The following HUNK variants were observed in gnomAD, a reference collection of about 807,000 sequenced individuals.
The protein encoded by HUNK is hormonally up-regulated Neu-associated kinase.
HUNK carries 21 observed loss-of-function variants against 61.0 expected under a neutral mutation model. The ratio of observed to expected loss-of-function variants is 0.34; its 90% CI spans 0.24 to 0.50. The LOEUF is 0.50. Ranked by LOEUF, HUNK falls within the 20% of genes least tolerant of loss-of-function variation. The pLI is 0.98. For synonymous variants in HUNK, 371 were observed against 386.1 expected (o/e 0.96, Z 0.46); for missense variants, 772 against 945.7 (o/e 0.82, Z 2.41).
At chr21:31,974,898 A>G (rs1362339060) in intron 7 of HUNK, among the ~76,000 whole-genome samples, 181 bp downstream of exon 7, 2 of 151,930 alleles carry the variant, frequency 1.3e-5, no homozygotes, top group Non-Finnish European at 2.9e-5. Flanking sequence ...AGTGCCTTTT[A>G]TCTGCAATGT....
In HUNK at chr21:32,000,718, G is replaced by C. The variant is rs2053240268; in HGVS notation, c.*1534G>C. ...AAAGCCAGCCTTTATTTCCCTGGCA[G>C]GCAGCCTTGCCAGAAGGCAGAGAGG... On this transcript the variant is annotated 3_prime_UTR_variant, in exon 11 of 11. Transcript: ENST00000270112. 2 of 398,578 alleles carry C rather than the reference G, an allele frequency of 5.0e-6. No homozygotes were observed. Among genetic ancestry groups the C allele is most frequent in the African/African-American group, 2.1e-5 (1 of 48,634 alleles). The allele number at this position is 398,578 out of a possible 1,614,324, so 24.7% of individuals were successfully genotyped here.
At chr21:31,985,229 G>A (rs1038694040) in intron 8 of HUNK, among the ~76,000 whole-genome samples, 1 of 152,180 alleles carries the variant, frequency 6.6e-6, no homozygotes, top group East Asian at 1.9e-4. Flanking sequence ...GGGACCCTTT[G>A]TCTATGCCCC....
In HUNK at chr21:31,998,868, C is replaced by A. The variant is rs1236191529; in HGVS notation, c.1829C>A (p.Pro610His). Residue 610 changes from proline to histidine, a missense_variant, in exon 11 of 11, where the codon CCT (proline) becomes CAT (histidine). Coordinates refer to ENST00000270112, the MANE Select transcript of HUNK (RefSeq NM_014586.2). ...SPGLPSGSMSPLHTPLHPTLV... is the reference protein window; with the variant it reads ...SPGLPSGSMSHLHTPLHPTLV... ...GGTCTGCCATCCGGAAGCATGTCGC[C>A]TCTCCATACTCCTTTGCATCCAACT... 1 of 1,614,206 alleles carries A rather than the reference C, an allele frequency of 6.2e-7. No homozygotes were observed. Among genetic ancestry groups the A allele is most frequent in the Non-Finnish European group, 8.5e-7 (1 of 1,180,040 alleles).
chr21:31,888,324 G>T (rs549992543), intron 1 of HUNK, among the ~76,000 whole-genome samples: 1 of 152,340 alleles, frequency 6.6e-6, no homozygotes, highest in African/African-American at 2.4e-5. Context: ...GGATGCTTTT[G>T]TTGGTAATAA....
At position 31,998,620 on chromosome 21, in the gene HUNK, G is replaced by C. The variant is rs1392079132; in HGVS notation, c.1581G>C (p.Arg527Ser). The C allele has an allele frequency of 6.2e-7, 1 of 1,614,068 alleles. No homozygotes were observed. The highest frequency in any genetic ancestry group is 8.5e-7 in the Non-Finnish European group (1 of 1,180,000). The change falls in exon 11 of 11, where the codon AGG (arginine) becomes AGC (serine). Residue 527 changes from arginine to serine, a missense_variant. Coordinates refer to ENST00000270112, the MANE Select transcript of HUNK (RefSeq NM_014586.2). ...AGTTCATCCCCGTGCCACCGCCCAGGACCCCGAGGATTGTGAAGAAACCGG... is the reference window on the plus strand; with the variant it reads ...AGTTCATCCCCGTGCCACCGCCCAGCACCCCGAGGATTGTGAAGAAACCGG... ...SMEFIPVPPPRTPRIVKKPEP... is the reference protein window; with the variant it reads ...SMEFIPVPPPSTPRIVKKPEP...
intron 3 of HUNK, among the ~76,000 whole-genome samples, chr21:31,945,376 ATGAG>A (rs1384331565): frequency 6.6e-6 from 1 of 152,168 alleles, no homozygotes; most frequent in African/African-American, 2.4e-5. Context: ...AAGCAGTGCC[ATGAG>A]GTCGCTTAGT....
chr21:31,978,206 CA>C (rs944554333), intron 7 of HUNK, among the ~76,000 whole-genome samples: 2 of 151,788 alleles, frequency 1.3e-5, no homozygotes, highest in Admixed American at 6.5e-5. Flanking sequence ...TTTAATTGAC[CA>C]AAAAAATGGT....
intron 3 of HUNK, among the ~76,000 whole-genome samples, chr21:31,945,102 C>T (rs1306265852): frequency 2.6e-5 from 4 of 152,050 alleles, no homozygotes; most frequent in African/African-American, 7.2e-5. Context: ...CCCTGCAGCC[C>T]GAGTCTTCTG....
chr21:31,951,312 G>A (rs1272989129), intron 4 of HUNK, among the ~76,000 whole-genome samples: 1 of 151,990 alleles, frequency 6.6e-6, no homozygotes, highest in African/African-American at 2.4e-5. Context: ...ACTGTGAATT[G>A]ACTTTTCCTC....
At position 31,878,685 on chromosome 21, in the gene HUNK, G is replaced by A. The variant is rs780044472; in HGVS notation, c.261+4750G>A. On this transcript the variant is annotated intron_variant, in intron 1 of 10. Coordinates refer to ENST00000270112, the MANE Select transcript of HUNK (RefSeq NM_014586.2). ...TGGTGATGGTTCGTGATACCTACAA[G>A]AGGCATGGTCTCTGGCACATGACAG... is the stretch of plus-strand genomic sequence containing the variant. Among the ~76,000 whole-genome samples, 3 of 152,340 alleles carry A rather than the reference G, an allele frequency of 2.0e-5. 1 individual carries two copies. The highest frequency in any genetic ancestry group is 1.3e-4 in the Admixed American group (2 of 15,294).
At chr21:31,897,258 C>CA (rs34252110) in intron 1 of HUNK, among the ~76,000 whole-genome samples, 2 of 151,802 alleles carry the variant, frequency 1.3e-5, no homozygotes, top group Admixed American at 6.6e-5. Flanking sequence ...GAAACCAAAA[C>CA]AAAAAAAATT....
At chr21:31,896,256 A>G (rs1568919032) in intron 1 of HUNK, among the ~76,000 whole-genome samples, 1 of 152,176 alleles carries the variant, frequency 6.6e-6, no homozygotes, top group Non-Finnish European at 1.5e-5. Flanking sequence ...CACTCTTCAT[A>G]CACCTCCATT....
chr21:31,917,751 CA>C lies in HUNK; in HGVS notation c.262-6716del, dbSNP rs1568924807. Among the ~76,000 whole-genome samples, 286 of 145,276 alleles carry C rather than the reference CA, an allele frequency of 2.0e-3. 3 individuals carry two copies. Among genetic ancestry groups the C allele is most frequent in the Middle Eastern group, 3.5e-3 (1 of 286 alleles). Reference sequence around the variant, plus strand: ...ACACACACACACACACACACACACACACACACCCCTGGACTGAATTGGGAGT... The same window carrying C: ...ACACACACACACACACACACACACACCACACCCCTGGACTGAATTGGGAGT... On this transcript the variant is annotated intron_variant, in intron 1 of 10. Transcript: ENST00000270112.
At chr21:31,932,911 CTTTTTTTTTTT>C (rs779361324) in intron 2 of HUNK, among the ~76,000 whole-genome samples, 51 of 130,628 alleles carry the variant, frequency 3.9e-4, no homozygotes, top group African/African-American at 1.5e-3. Context: ...TGCCTTCTTC[CTTTTTTTTTTT>C]TTTTTTTTGA....
intron 1 of HUNK, among the ~76,000 whole-genome samples, chr21:31,902,647 T>C (rs1342791468): frequency 6.6e-6 from 1 of 152,218 alleles, no homozygotes; most frequent in Non-Finnish European, 1.5e-5. Context: ...CTTCATGCTG[T>C]GGTCCACACA....
At chr21:31,955,062 C>G (rs1273796658) in intron 4 of HUNK, among the ~76,000 whole-genome samples, 2 of 152,098 alleles carry the variant, frequency 1.3e-5, no homozygotes, top group Non-Finnish European at 2.9e-5. Context: ...GCTGGAATTA[C>G]AGGTGTGAGC....
At chr21:31,914,037 G>A (rs2052564630) in intron 1 of HUNK, among the ~76,000 whole-genome samples, 1 of 152,168 alleles carries the variant, frequency 6.6e-6, no homozygotes, top group African/African-American at 2.4e-5. Context: ...CAGCTTCAGA[G>A]GCTGTGTGCC....
At chr21:31,902,904 T>C (rs1390768942) in intron 1 of HUNK, among the ~76,000 whole-genome samples, 1 of 152,192 alleles carries the variant, frequency 6.6e-6, no homozygotes, top group Non-Finnish European at 1.5e-5. Context: ...CTATTAATCT[T>C]TTCTTTATGT....
intron 8 of HUNK, among the ~76,000 whole-genome samples, chr21:31,985,907 A>G (rs1220310212): frequency 6.6e-6 from 1 of 152,124 alleles, no homozygotes; most frequent in Admixed American, 6.5e-5. Context: ...GCCAGGCAGG[A>G]ATGGTGGGCC....
Sources: allele counts gnomAD v4.1 joint callset (sites outside exome capture counted in the v4.1 genomes callset), GRCh38; gene constraint gnomAD v4.1.1; transcripts MANE v1.5; gene names NCBI Gene and HGNC (gene_info 2026-07-23, HGNC 2026-07-21).